The following PDE7B variants were observed in gnomAD, a reference collection of about 807,000 sequenced individuals.
The protein encoded by PDE7B is 3',5'-cyclic-AMP phosphodiesterase 7B.
In PDE7B, 29 loss-of-function variants were observed where a neutral mutation model predicts 56.2. The observed-to-expected ratio is 0.52, with a 90% CI of 0.38 to 0.70. The LOEUF (loss-of-function observed/expected upper bound fraction) is 0.70, where lower values mean the gene tolerates loss of function less well. PDE7B is among the 30% of genes least tolerant of loss of function. PDE7B has a pLI of 0.00. For missense variants in PDE7B, 490 were observed against 565.0 expected, an observed-to-expected ratio of 0.87 and a Z score of 1.35; for synonymous variants, 197 against 196.9, an observed-to-expected ratio of 1.00 and a Z score of 0.00.
intron 2 of PDE7B, among the ~76,000 whole-genome samples, chr6:136,095,053 T>C (rs1252340921): frequency 6.6e-6 from 1 of 152,232 alleles, no homozygotes; most frequent in African/African-American, 2.4e-5. Context: ...ATGAATGTAT[T>C]TGAGAAATGC....
intron 6 of PDE7B, among the ~76,000 whole-genome samples, chr6:136,153,669 G>A (rs1490838655): frequency 6.6e-6 from 1 of 152,106 alleles, no homozygotes; most frequent in Non-Finnish European, 1.5e-5. Context: ...TGCTACTTGG[G>A]CTCTTTGAAG....
intron 2 of PDE7B, among the ~76,000 whole-genome samples, chr6:135,996,152 A>G (rs1775561507): frequency 6.6e-6 from 1 of 152,228 alleles, no homozygotes; most frequent in South Asian, 2.1e-4. Flanking sequence ...AAATAGGCAA[A>G]CCTAAATAAA....
chr6:136,166,374 C>G (rs1235194763), intron 8 of PDE7B: 1 of 152,270 alleles, frequency 6.6e-6, no homozygotes, highest in Non-Finnish European at 1.5e-5. Context: ...AGTTCCTTCT[C>G]ACATTGCTAT....
intron 1 of PDE7B, among the ~76,000 whole-genome samples, chr6:135,924,409 C>T (rs1774144921): frequency 6.6e-6 from 1 of 152,126 alleles, no homozygotes; most frequent in African/African-American, 2.4e-5. Flanking sequence ...CCTCAATTTC[C>T]CCAGAATGCC....
At chr6:136,157,693 T>C (rs2128448110) in intron 8 of PDE7B, among the ~76,000 whole-genome samples, 1 of 152,214 alleles carries the variant, frequency 6.6e-6, no homozygotes, top group Non-Finnish European at 1.5e-5. Flanking sequence ...AAGGAGAAAC[T>C]GATTCTGCAG....
chr6:135,969,849 T>G (rs984730470), intron 2 of PDE7B, among the ~76,000 whole-genome samples: 4 of 152,052 alleles, frequency 2.6e-5, no homozygotes, highest in South Asian at 2.1e-4. Context: ...AAGGACCCCA[T>G]GGCTATTCAG....
intron 8 of PDE7B, among the ~76,000 whole-genome samples, chr6:136,165,142 G>A (rs1488515189): frequency 1.3e-5 from 2 of 152,162 alleles, no homozygotes; most frequent in Non-Finnish European, 1.5e-5. Flanking sequence ...TTGTTATAAG[G>A]TGTTGTAGAC....
chr6:136,084,041 A>G (rs1019961399), intron 2 of PDE7B, among the ~76,000 whole-genome samples: 1 of 152,198 alleles, frequency 6.6e-6, no homozygotes, highest in African/African-American at 2.4e-5. Flanking sequence ...TTTCTATGTA[A>G]CAATTTTGAC....
chr6:135,931,975 A>C (rs1026574664), intron 1 of PDE7B, among the ~76,000 whole-genome samples: 1 of 151,988 alleles, frequency 6.6e-6, no homozygotes, highest in African/African-American at 2.4e-5. Context: ...ACACACACAC[A>C]CACACACATA....
Position 136,055,544 on chromosome 6 carries a change from C to T in PDE7B, c.83-53187C>T, listed in dbSNP as rs536980350. Among the ~76,000 whole-genome samples, 8 of 152,352 alleles carry T rather than the reference C, an allele frequency of 5.3e-5. No individual in the cohort carries two copies. In the South Asian group the frequency reaches 1.7e-3, roughly 32 times the overall value. ...ATTTTATTTGAACCCATTTCACACA[C>T]TTTGCCCAACATTCTTCTCAGTGAA... On this transcript the variant is annotated intron_variant, in intron 2 of 12. Transcript: ENST00000308191.
chr6:136,140,161 A>G (rs1182585141), intron 3 of PDE7B, among the ~76,000 whole-genome samples: 1 of 152,170 alleles, frequency 6.6e-6, no homozygotes, highest in East Asian at 1.9e-4. Context: ...GGTGTAAGGA[A>G]GGGATCCAGT....
chr6:135,935,190 T>TTATATATATATATATTTTTATA (rs1774396183), intron 1 of PDE7B, among the ~76,000 whole-genome samples: 1 of 36,192 alleles, frequency 2.8e-5, no homozygotes, highest in Non-Finnish European at 4.6e-5. Flanking sequence ...ATATATTTAT[T>TTATATATATATATATTTTTATA]TATATATATA....
At chr6:136,101,653 C>T (rs529920071) in intron 2 of PDE7B, among the ~76,000 whole-genome samples, 1 of 152,274 alleles carries the variant, frequency 6.6e-6, no homozygotes, top group South Asian at 2.1e-4. Context: ...TTGAAATGAA[C>T]TGAATTAGTT....
chr6:136,035,267 T>A (rs1309841665), intron 2 of PDE7B: 1 of 152,136 alleles, frequency 6.6e-6, no homozygotes, highest in East Asian at 1.9e-4. Context: ...AATTATAGGT[T>A]TACAGGCATG....
chr6:135,894,830 G>A (rs531389460), intron 1 of PDE7B, among the ~76,000 whole-genome samples: 47 of 152,178 alleles, frequency 3.1e-4, no homozygotes, highest in African/African-American at 1.1e-3. Context: ...ACCCAGGTGG[G>A]TTCAATCATA....
chr6:136,168,431 A>T (rs1778830243), intron 8 of PDE7B, among the ~76,000 whole-genome samples: 1 of 151,718 alleles, frequency 6.6e-6, no homozygotes, highest in Admixed American at 6.5e-5. Context: ...GAGAGCAGAG[A>T]TTTTGTCTTA....
intron 2 of PDE7B, among the ~76,000 whole-genome samples, chr6:135,976,081 G>A (rs1379225919): frequency 6.6e-6 from 1 of 152,122 alleles, no homozygotes; most frequent in East Asian, 1.9e-4. Flanking sequence ...AGAAACCTGT[G>A]TAGAGTGGGA....
At chr6:136,100,469 T>A (rs1777542006) in intron 2 of PDE7B, among the ~76,000 whole-genome samples, 1 of 152,224 alleles carries the variant, frequency 6.6e-6, no homozygotes, top group Non-Finnish European at 1.5e-5. Flanking sequence ...TTTGTAATTC[T>A]CCTTGAAGAG....
chr6:136,192,005 A>C lies in PDE7B; in HGVS notation c.*165A>C, dbSNP rs569603518. On this transcript the variant is annotated 3_prime_UTR_variant, in exon 13 of 13. Coordinates refer to ENST00000308191, the MANE Select transcript of PDE7B (RefSeq NM_018945.4). ...CTTACCTGCCTCCCCTCCTTTTCGCAAATGTACAGAAGCCATTTGTCACCT... is the reference window on the plus strand; with the variant it reads ...CTTACCTGCCTCCCCTCCTTTTCGCCAATGTACAGAAGCCATTTGTCACCT... The C allele has an allele frequency of 1.6e-6, 1 of 615,368 alleles. No individual in the cohort carries two copies. The highest frequency in any genetic ancestry group is 2.0e-5 in the South Asian group (1 of 51,140). The allele number at this position is 615,368 out of a possible 1,614,324, so 38.1% of individuals were successfully genotyped here.
Sources: allele counts gnomAD v4.1 joint callset (sites outside exome capture counted in the v4.1 genomes callset), GRCh38; gene constraint gnomAD v4.1.1; transcripts MANE v1.5; gene names NCBI Gene and HGNC (gene_info 2026-07-23, HGNC 2026-07-21).